Variants in ATP8A1 observed in about 807,000 individuals in gnomAD.
The protein encoded by ATP8A1 is phospholipid-transporting ATPase IA.
Under a neutral mutation model 177.7 loss-of-function variants are expected in ATP8A1, and 90 were observed. The observed-to-expected ratio is 0.51, with a 90% CI of 0.43 to 0.60. ATP8A1 has a LOEUF of 0.60. Ranked by LOEUF, ATP8A1 falls within the 20% of genes least tolerant of loss-of-function variation. ATP8A1 has a pLI of 0.00. For synonymous variants in ATP8A1, 493 were observed against 485.9 expected, an observed-to-expected ratio of 1.01 and a Z score of -0.19; for missense variants, 1,072 against 1,392.8, an observed-to-expected ratio of 0.77 and a Z score of 3.67.
chr4:42,579,004 TAAATC>T (rs1732749768), intron 11 of ATP8A1, among the ~76,000 whole-genome samples: 1 of 152,098 alleles, frequency 6.6e-6, no homozygotes, highest in Non-Finnish European at 1.5e-5. Context: ...GCTGCAAAGA[TAAATC>T]AATATAATAA....
At chr4:42,594,354 A>C in intron 6 of ATP8A1, 1 of 1,578,298 alleles carries the variant, frequency 6.3e-7, no homozygotes, top group Non-Finnish European at 8.7e-7. Context: ...CTATATCTCC[A>C]ACATTTACCT....
chr4:42,513,277 T>C (rs1725199043), intron 22 of ATP8A1, among the ~76,000 whole-genome samples: 1 of 152,208 alleles, frequency 6.6e-6, no homozygotes, highest in Non-Finnish European at 1.5e-5. Flanking sequence ...TACAGGATTA[T>C]CATTATTAGA....
intron 20 of ATP8A1, among the ~76,000 whole-genome samples, chr4:42,540,515 A>G (rs1456383294): frequency 6.6e-6 from 1 of 151,726 alleles, no homozygotes; most frequent in African/African-American, 2.4e-5. Flanking sequence ...TAGCAAAGAT[A>G]TGGAATTAAC....
At chr4:42,597,488 A>G (rs1734832676) in intron 6 of ATP8A1, among the ~76,000 whole-genome samples, 1 of 152,188 alleles carries the variant, frequency 6.6e-6, no homozygotes, top group South Asian at 2.1e-4. Flanking sequence ...TGCTGCTTTA[A>G]GCTCACTGCT....
chr4:42,448,401 C>CTTTTTTTCTTT lies in ATP8A1; in HGVS notation c.2897-1758_2897-1757insAAAGAAAAAAA, dbSNP rs1553875017. On this transcript the variant is annotated intron_variant, in intron 30 of 36. Coordinates refer to ENST00000381668, the MANE Select transcript of ATP8A1 (RefSeq NM_006095.2). ...CTCCCTCCCTCCTTCTCTTTCTTTTCTTTTTTTTTTTTTTGAGATGGAGTC... is the reference window on the plus strand; with the variant it reads ...CTCCCTCCCTCCTTCTCTTTCTTTTCTTTTTTTCTTTTTTTTTTTTTTTTTGAGATGGAGTC... Among the ~76,000 whole-genome samples, 10 of 99,558 alleles carry CTTTTTTTCTTT rather than the reference C, an allele frequency of 1.0e-4. 1 individual carries two copies. The highest frequency in any genetic ancestry group is 1.5e-4 in the Non-Finnish European group (8 of 52,612). 65.3% of individuals were successfully genotyped at this position (99,558 alleles called of 152,430 possible).
intron 1 of ATP8A1, among the ~76,000 whole-genome samples, chr4:42,649,952 G>A (rs1740923425): frequency 6.6e-6 from 1 of 152,184 alleles, no homozygotes; most frequent in African/African-American, 2.4e-5. Flanking sequence ...TTACTACCCG[G>A]AGAATACAAT....
intron 23 of ATP8A1, among the ~76,000 whole-genome samples, chr4:42,506,659 C>T (rs757130555): frequency 5.3e-5 from 8 of 152,104 alleles, no homozygotes; most frequent in Non-Finnish European, 1.0e-4. Context: ...GTGTGTGGTA[C>T]GCTCTTATGG....
rs1374613111 is a variant in ATP8A1 at position 42,507,791 on chromosome 4, A to AC, written c.1948-638_1948-637insG. Among the ~76,000 whole-genome samples, 31 of 139,546 alleles carry AC rather than the reference A, an allele frequency of 2.2e-4. 1 individual carries two copies. Among genetic ancestry groups the AC allele is most frequent in the Middle Eastern group, 3.4e-3 (1 of 290 alleles). 91.5% of individuals were successfully genotyped at this position (139,546 alleles called of 152,430 possible). A position where few individuals can be genotyped will look rare whatever the true frequency, so the allele number is the denominator to read the frequency against. On this transcript the variant is annotated intron_variant, in intron 22 of 36. Transcript: ENST00000381668. Reference sequence around the variant, plus strand: ...AAGGACAGGCATTCTAAAAAAAAAAAAAAAAAAAAAAAAAAAAACATACAA... The same window carrying AC: ...AAGGACAGGCATTCTAAAAAAAAAAACAAAAAAAAAAAAAAAAAACATACAA...
rs202103815 is a variant in ATP8A1 at position 42,479,942 on chromosome 4, A to ACTCT, written c.2324+5550_2324+5553dup. On this transcript the variant is annotated intron_variant, in intron 25 of 36. Coordinates refer to ENST00000381668, the MANE Select transcript of ATP8A1 (RefSeq NM_006095.2). ...AAGCGGGTGCATTTATACTTTATGT[A>ACTCT]CTCTCCATTACGTGTTACCTACCTC... Among the ~76,000 whole-genome samples, 206 of 148,536 alleles carry ACTCT rather than the reference A, an allele frequency of 1.4e-3. 2 individuals are homozygous for ACTCT. The East Asian group carries it at 0.037, about 27-fold the overall frequency.
chr4:42,641,164 G>A (rs1560552942), intron 1 of ATP8A1, among the ~76,000 whole-genome samples: 1 of 152,004 alleles, frequency 6.6e-6, no homozygotes, highest in South Asian at 2.1e-4. Flanking sequence ...ATGTACAGAT[G>A]ACATGAAAAA....
rs1483102071 is a variant in ATP8A1, at chr4:42,586,463, G to A, written c.608C>T (p.Thr203Ile). 3 of 1,614,040 alleles carry A rather than the reference G, an allele frequency of 1.9e-6. No individual in the cohort carries two copies. Among genetic ancestry groups the A allele is most frequent in the Non-Finnish European group, 2.5e-6 (3 of 1,179,984 alleles). Residue 203 changes from threonine (T) to isoleucine (I), a missense_variant, in exon 9 of 37, where the codon ACA becomes ATA. Thr to Ile is a moderately conservative substitution (Grantham distance 89). Around this residue, in one of 5 missense-constraint regions of ATP8A1, gnomAD observed 344 missense variants for 393.5 expected, o/e 0.87. Transcript: ENST00000381668. The stretch of plus-strand genomic sequence containing the variant: ...ACTGTCAACGTCTTTGATATCTGAT[G>A]TTGCTGGTAAGCCCTGTTTGGAATT... ...NLKIRQGLPA[T>I]SDIKDVDSLM...
At chr4:42,479,953 C>T (rs750813014) in intron 25 of ATP8A1, among the ~76,000 whole-genome samples, 16 of 149,230 alleles carry the variant, frequency 1.1e-4, no homozygotes, top group Non-Finnish European at 1.8e-4. Context: ...CTCTCCATTA[C>T]GTGTTACCTA....
intron 25 of ATP8A1, among the ~76,000 whole-genome samples, chr4:42,470,105 T>G (rs1720226569): frequency 6.6e-6 from 1 of 152,228 alleles, no homozygotes; most frequent in African/African-American, 2.4e-5. Flanking sequence ...TCTTCTTTGG[T>G]AGAAGAGACT....
intron 20 of ATP8A1, among the ~76,000 whole-genome samples, chr4:42,531,957 C>T (rs1727299377): frequency 6.6e-6 from 1 of 151,960 alleles, no homozygotes; most frequent in East Asian, 1.9e-4. Context: ...AAAAAGTTAG[C>T]CAGGTGTGGT....
intron 18 of ATP8A1, 50 bp downstream of exon 18, chr4:42,551,148 T>C (rs1396175851): frequency 1.4e-6 from 2 of 1,443,204 alleles, no homozygotes; most frequent in African/African-American, 1.4e-5. Flanking sequence ...TTTGAAGCTA[T>C]GCAAATGTAT....
intron 35 of ATP8A1, among the ~76,000 whole-genome samples, chr4:42,415,823 G>C (rs965601993): frequency 4.6e-5 from 7 of 152,066 alleles, no homozygotes; most frequent in Non-Finnish European, 7.4e-5. Context: ...TACAAAAAAA[G>C]GATCCTCTGC....
At chr4:42,584,426 C>T (rs1021808493) in intron 9 of ATP8A1, among the ~76,000 whole-genome samples, 13 of 152,198 alleles carry the variant, frequency 8.5e-5, no homozygotes, top group African/African-American at 2.4e-4. Context: ...AACTCACTAT[C>T]GTCAGGCACC....
chr4:42,600,653 T>G, intron 5 of ATP8A1, 135 bp from the exon 6 acceptor site: 1 of 735,362 alleles, frequency 1.4e-6, no homozygotes, highest in Admixed American at 3.3e-5. Flanking sequence ...AAATTCTAAT[T>G]ATGATAGCAA....
At chr4:42,602,394 G>A (rs192668384) in intron 5 of ATP8A1, among the ~76,000 whole-genome samples, 22 of 152,294 alleles carry the variant, frequency 1.4e-4, no homozygotes, top group African/African-American at 4.3e-4. Flanking sequence ...AACAGCCTCC[G>A]GTAGAAAAGC....
Sources: gnomAD v4.1 joint callset for allele counts (sites outside exome capture counted in the v4.1 genomes callset) on GRCh38, gnomAD v4.1.1 for gene constraint, gnomAD v4.1.1 regional missense constraint, MANE v1.5 for transcripts, NCBI Gene and HGNC (gene_info 2026-07-23, HGNC 2026-07-21) for gene names.